RALYL: variants seen among roughly 807,000 people sequenced by gnomAD.
RALYL encodes the protein RALY RNA binding protein like.
Under a neutral mutation model 35.1 loss-of-function variants are expected in RALYL, and 29 were observed. The observed-to-expected ratio is 0.83, with a 90% CI of 0.61 to 1.13. The LOEUF (loss-of-function observed/expected upper bound fraction) is 1.13. Among genes scored for constraint, RALYL ranks in the 50% most tolerant of loss-of-function variants. RALYL has a pLI of 0.00. For synonymous variants in RALYL, 120 were observed against 127.6 expected (o/e 0.94, Z 0.40); for missense variants, 359 against 360.4 (o/e 1.00, Z 0.03).
At position 84,537,139 on chromosome 8, in the gene RALYL, T is replaced by C. The variant is rs939937088; in HGVS notation, c.256+7562T>C. ...CACATGTACCCTAGAACTTAAAGTA[T>C]AATAAATAAATATATATATTAAAAA... On this transcript the variant is annotated intron_variant, in intron 2 of 8. Coordinates refer to ENST00000521268, the MANE Select transcript of RALYL (RefSeq NM_173848.7). 1.9e-4 allele frequency among the ~76,000 whole-genome samples: 26 copies of C among 136,968 alleles called. No homozygotes were observed. In the East Asian group the frequency reaches 4.4e-3, roughly 23 times the overall value. 89.9% of individuals were successfully genotyped at this position (136,968 alleles called of 152,430 possible).
chr8:84,441,379 G>A (rs1298573535), intron 1 of RALYL, among the ~76,000 whole-genome samples: 4 of 152,100 alleles, frequency 2.6e-5, no homozygotes, highest in Non-Finnish European at 1.5e-5. Flanking sequence ...GGAATATATT[G>A]GAGAGAAAAC....
At chr8:84,572,729 G>A (rs1808313932) in intron 2 of RALYL, among the ~76,000 whole-genome samples, 1 of 151,682 alleles carries the variant, frequency 6.6e-6, no homozygotes, top group Non-Finnish European at 1.5e-5. Flanking sequence ...AGAAGCAAGT[G>A]AAAAATTTTG....
chr8:84,776,246 A>T (rs1272005429), intron 3 of RALYL, among the ~76,000 whole-genome samples: 4 of 152,156 alleles, frequency 2.6e-5, no homozygotes, highest in Non-Finnish European at 5.9e-5. Flanking sequence ...GAACTCTAAG[A>T]TGAGGGTCAG....
chr8:84,456,051 T>C (rs2050096935), intron 1 of RALYL, among the ~76,000 whole-genome samples: 1 of 151,950 alleles, frequency 6.6e-6, no homozygotes, highest in African/African-American at 2.4e-5. Flanking sequence ...TTTCAGTCTA[T>C]TTTAGATGTA....
rs116670591 is a variant in RALYL at position 84,460,219 on chromosome 8, G to C, written c.-23-69080G>C. On this transcript the variant is annotated intron_variant, in intron 1 of 8. Transcript: ENST00000521268. Reference sequence around the variant, plus strand: ...CTGAGGAGGGTTTAAATAAATTATGGAAGATCTATATTTGTGGAAGTCTAA... The same window carrying C: ...CTGAGGAGGGTTTAAATAAATTATGCAAGATCTATATTTGTGGAAGTCTAA... Among the ~76,000 whole-genome samples, 601 of 151,778 alleles carry C rather than the reference G, an allele frequency of 4.0e-3. 6 individuals carry two copies. Among genetic ancestry groups the C allele is most frequent in the African/African-American group, 0.014 (575 of 41,492 alleles).
At chr8:84,247,860 G>C (rs1829427459) in intron 1 of RALYL, among the ~76,000 whole-genome samples, 1 of 152,068 alleles carries the variant, frequency 6.6e-6, no homozygotes, top group Non-Finnish European at 1.5e-5. Context: ...GTGGGACTCA[G>C]ACTATCCTAG....
In RALYL at chr8:84,868,398, T is replaced by A. The variant is rs1340506394; in HGVS notation, c.572-4886T>A. 2.0e-5 allele frequency among the ~76,000 whole-genome samples: 3 copies of A among 152,060 alleles called. No individual in the cohort carries two copies. In the East Asian group the frequency reaches 5.8e-4, roughly 29 times the overall value. ...TGTGGAGTTAGGGATCTCAGCATGT[T>A]GCCCAGGCTGATCGTAAACTCCTGG... On this transcript the variant is annotated intron_variant, in intron 6 of 8. Coordinates refer to ENST00000521268, the MANE Select transcript of RALYL (RefSeq NM_173848.7).
intron 2 of RALYL, among the ~76,000 whole-genome samples, chr8:84,714,738 A>G (rs1842703582): frequency 6.6e-6 from 1 of 151,924 alleles, no homozygotes; most frequent in South Asian, 2.1e-4. Flanking sequence ...TGAAATCACC[A>G]GTTTTGTAAG....
intron 2 of RALYL, among the ~76,000 whole-genome samples, chr8:84,751,662 C>T (rs1810054207): frequency 6.6e-6 from 1 of 152,030 alleles, no homozygotes; most frequent in Admixed American, 6.6e-5. Context: ...GTGCTGTTCT[C>T]ATGACAGAGT....
chr8:84,874,992 T>C (rs949173521), intron 7 of RALYL, among the ~76,000 whole-genome samples: 3 of 152,090 alleles, frequency 2.0e-5, no homozygotes, highest in East Asian at 3.9e-4. Context: ...CTTGTTAAGG[T>C]AGATGAGGAA....
At chr8:84,426,475 G>GTGTGTGT (rs1554662561) in intron 1 of RALYL, among the ~76,000 whole-genome samples, 947 of 70,610 alleles carry the variant, frequency 0.013, 5 homozygotes, top group South Asian at 0.032. Context: ...TGTGTGTGTG[G>GTGTGTGT]GTTTAGATTT....
At chr8:84,317,848 G>A (rs776899710) in intron 1 of RALYL, among the ~76,000 whole-genome samples, 13 of 151,972 alleles carry the variant, frequency 8.6e-5, no homozygotes, top group Non-Finnish European at 1.3e-4. Flanking sequence ...TAGGTTTCAC[G>A]GAAACTGGCT....
chr8:84,885,235 G>A (rs1282520005), intron 7 of RALYL, among the ~76,000 whole-genome samples: 1 of 152,044 alleles, frequency 6.6e-6, no homozygotes, highest in Non-Finnish European at 1.5e-5. Flanking sequence ...AAAATTGAGA[G>A]TGTTTTGGTC....
At chr8:84,913,075 G>GATAA in intron 8 of RALYL, among the ~76,000 whole-genome samples, 1 of 151,882 alleles carries the variant, frequency 6.6e-6, no homozygotes, top group East Asian at 1.9e-4. Context: ...TAGATAGATA[G>GATAA]ATAGATAGAT....
Position 84,246,136 on chromosome 8 carries a change from G to A in RALYL, c.-24+61712G>A, listed in dbSNP as rs532057498. 3.3e-5 allele frequency among the ~76,000 whole-genome samples: 5 copies of A among 152,144 alleles called. No homozygotes were observed. In the East Asian group the frequency reaches 9.7e-4, roughly 30 times the overall value. On this transcript the variant is annotated intron_variant, in intron 1 of 8. Transcript: ENST00000521268. Reference sequence around the variant, plus strand: ...CAAGAACACATGTGTACCCCCAAGAGGTAGACAACAGCACCAGTGAAGACA... The same window carrying A: ...CAAGAACACATGTGTACCCCCAAGAAGTAGACAACAGCACCAGTGAAGACA...
At position 84,497,092 on chromosome 8, in the gene RALYL, G is replaced by C. The variant is rs370094186; in HGVS notation, c.-23-32207G>C. 2.2e-4 allele frequency among the ~76,000 whole-genome samples: 34 copies of C among 152,206 alleles called. No homozygotes were observed. The East Asian group carries it at 6.6e-3, about 29-fold the overall frequency. ...ACCACTTAGGCTTATGGTCTAAGAT[G>C]AGGCCGCTTACCATCCATGAAAACC... On this transcript the variant is annotated intron_variant, in intron 1 of 8. Coordinates refer to ENST00000521268, the MANE Select transcript of RALYL (RefSeq NM_173848.7).
intron 4 of RALYL, among the ~76,000 whole-genome samples, chr8:84,839,193 A>G (rs1412919947): frequency 6.6e-6 from 1 of 152,238 alleles, no homozygotes; most frequent in Non-Finnish European, 1.5e-5. Context: ...GGGAAGTGCA[A>G]GAGGTCAGGG....
intron 2 of RALYL, among the ~76,000 whole-genome samples, chr8:84,598,016 C>T (rs1255687547): frequency 2.0e-5 from 3 of 152,130 alleles, no homozygotes; most frequent in Non-Finnish European, 2.9e-5. Context: ...CTGAGCATGA[C>T]ATACAAACCT....
intron 1 of RALYL, among the ~76,000 whole-genome samples, chr8:84,274,743 TCTC>T (rs1835020959): frequency 6.6e-6 from 1 of 151,978 alleles, no homozygotes; most frequent in African/African-American, 2.4e-5. Context: ...TTATTGAAAG[TCTC>T]CTATATTACG....
Sources: gnomAD v4.1 joint callset for allele counts (sites outside exome capture counted in the v4.1 genomes callset) on GRCh38, gnomAD v4.1.1 for gene constraint, MANE v1.5 for transcripts, NCBI Gene and HGNC (gene_info 2026-07-23, HGNC 2026-07-21) for gene names.